SKAP1: variants seen among roughly 807,000 people sequenced by gnomAD.
SKAP1 encodes the protein src kinase-associated phosphoprotein 1.
SKAP1 carries 44 observed loss-of-function variants against 58.5 expected under a neutral mutation model. The ratio of observed to expected loss-of-function variants is 0.75; its 90% CI spans 0.59 to 0.97. The LOEUF (loss-of-function observed/expected upper bound fraction) is 0.97, where lower values mean the gene tolerates loss of function less well. SKAP1 is among the 50% of genes least tolerant of loss of function. The pLI, the probability that SKAP1 is intolerant of heterozygous loss-of-function variation, is 0.00. For synonymous variants in SKAP1, 127 were observed against 149.7 expected, an observed-to-expected ratio of 0.85 and a Z score of 1.11; for missense variants, 390 against 435.2, an observed-to-expected ratio of 0.90 and a Z score of 0.92.
intron 4 of SKAP1, among the ~76,000 whole-genome samples, chr17:48,205,868 T>C (rs1353858317): frequency 2.0e-5 from 3 of 152,006 alleles, no homozygotes; most frequent in Non-Finnish European, 4.4e-5. Flanking sequence ...TCTCAAGAAA[T>C]TGACCTCCCA....
At chr17:48,270,674 C>A (rs1357125593) in intron 4 of SKAP1, among the ~76,000 whole-genome samples, 4 of 151,974 alleles carry the variant, frequency 2.6e-5, no homozygotes, top group Admixed American at 1.3e-4. Flanking sequence ...TAAGGCTAGT[C>A]AAGTGAACAA....
At chr17:48,374,207 GT>G (rs5820697) in intron 2 of SKAP1, among the ~76,000 whole-genome samples, 36,923 of 90,134 alleles carry the variant, frequency 0.41, 4,111 homozygotes, top group African/African-American at 0.46. Flanking sequence ...GCTAATTTTT[GT>G]TTTTTTTTTT....
intron 4 of SKAP1, among the ~76,000 whole-genome samples, chr17:48,322,773 C>T (rs2066385455): frequency 6.6e-6 from 1 of 152,192 alleles, no homozygotes; most frequent in African/African-American, 2.4e-5. Context: ...CACATAGCCC[C>T]TGTGAAATAA....
chr17:48,346,003 C>A lies in SKAP1; in HGVS notation c.182G>T (p.Gly61Val). ...RYYWDFQPQGGDIGQDSSDDN... is the reference protein window; with the variant it reads ...RYYWDFQPQGVDIGQDSSDDN... Reference sequence around the variant, plus strand: ...ATCAGAGCTGTCCTGTCCAATGTCTCCCCCTGAGGGACAAAAAAGACAGAA... The same window carrying A: ...ATCAGAGCTGTCCTGTCCAATGTCTACCCCTGAGGGACAAAAAAGACAGAA... The change falls in exon 4 of 13, where the codon GGA (glycine) becomes GTA (valine). Residue 61 changes from glycine (G) to valine (V), a missense_variant. By Grantham distance (109) the Gly-to-Val change is moderately radical. Transcript: ENST00000336915. 1 of 1,589,340 alleles carries A rather than the reference C, an allele frequency of 6.3e-7. No individual in the cohort carries two copies. The highest frequency in any genetic ancestry group is 8.6e-7 in the Non-Finnish European group (1 of 1,166,936).
chr17:48,413,523 A>AAAAAAAAAAATATATAT, intron 1 of SKAP1, among the ~76,000 whole-genome samples: 32 of 105,502 alleles, frequency 3.0e-4, no homozygotes, highest in African/African-American at 1.3e-3. Flanking sequence ...TCAAAAAAAA[A>AAAAAAAAAAATATATAT]ATATATATAT....
At chr17:48,371,344 G>A (rs1407211277) in intron 2 of SKAP1, among the ~76,000 whole-genome samples, 1 of 152,016 alleles carries the variant, frequency 6.6e-6, no homozygotes, top group Non-Finnish European at 1.5e-5. Flanking sequence ...CTGAAAATAG[G>A]GCTACTGAAT....
At chr17:48,307,450 G>A (rs887824381) in intron 4 of SKAP1, 1 of 152,292 alleles carries the variant, frequency 6.6e-6, no homozygotes, top group African/African-American at 2.4e-5. Context: ...AGGTCAACGT[G>A]TGACCGGCTC....
intron 4 of SKAP1, among the ~76,000 whole-genome samples, chr17:48,335,986 GT>G (rs1478160847): frequency 6.6e-6 from 1 of 152,102 alleles, no homozygotes; most frequent in East Asian, 1.9e-4. Flanking sequence ...AAGCTCACAT[GT>G]TGAGAACTTA....
chr17:48,266,960 A>G lies in SKAP1; in HGVS notation c.281-77460T>C, dbSNP rs370097099. On this transcript the variant is annotated intron_variant, in intron 4 of 12. Transcript: ENST00000336915. Reference sequence around the variant, plus strand: ...TCTTTCTTTCTGTGACTAGACTAACACTCAACACGAAATGCTTTCACTGCT... The same window carrying G: ...TCTTTCTTTCTGTGACTAGACTAACGCTCAACACGAAATGCTTTCACTGCT... Among the ~76,000 whole-genome samples the G allele has an allele frequency of 4.0e-4, 61 of 152,300 alleles. 1 individual carries two copies. The East Asian group carries it at 7.1e-3, about 18-fold the overall frequency.
chr17:48,142,914 G>A (rs772963937), intron 11 of SKAP1, among the ~76,000 whole-genome samples: 28 of 151,292 alleles, frequency 1.9e-4, no homozygotes, highest in Non-Finnish European at 3.4e-4. Flanking sequence ...TGATCCTCCC[G>A]CTTCAGCCTC....
chr17:48,394,978 A>G (rs1427703629), intron 2 of SKAP1, among the ~76,000 whole-genome samples: 1 of 152,220 alleles, frequency 6.6e-6, no homozygotes, highest in Non-Finnish European at 1.5e-5. Flanking sequence ...TCTTGCAACA[A>G]GTCAATGAAC....
intron 4 of SKAP1, among the ~76,000 whole-genome samples, chr17:48,263,633 G>T (rs183725507): frequency 9.9e-5 from 15 of 152,176 alleles, no homozygotes; most frequent in Admixed American, 4.6e-4. Context: ...ATGCTGAATG[G>T]TGGGCACTGT....
chr17:48,404,145 A>G (rs1390375487), intron 1 of SKAP1, among the ~76,000 whole-genome samples: 1 of 151,262 alleles, frequency 6.6e-6, no homozygotes, highest in Non-Finnish European at 1.5e-5. Context: ...AAATTTATAA[A>G]AATATTAATA....
the SKAP1 span, among the ~76,000 whole-genome samples, chr17:48,438,379 T>C: frequency 3.9e-5 from 6 of 152,226 alleles, no homozygotes; most frequent in African/African-American, 9.7e-5. Context: ...AATAAATATA[T>C]ATACAAATTA....
At chr17:48,153,918 A>G (rs1010919924) in intron 11 of SKAP1, among the ~76,000 whole-genome samples, 1 of 152,092 alleles carries the variant, frequency 6.6e-6, no homozygotes, top group African/African-American at 2.4e-5. Context: ...AAAAGAAAAA[A>G]AAATCCTTCA....
chr17:48,336,233 T>C (rs2066567453), intron 4 of SKAP1, among the ~76,000 whole-genome samples: 1 of 152,140 alleles, frequency 6.6e-6, no homozygotes. Flanking sequence ...TACACTGGTG[T>C]GCTCTCCAGA....
chr17:48,327,935 CCT>C (rs1419785937), intron 4 of SKAP1, among the ~76,000 whole-genome samples: 2 of 152,264 alleles, frequency 1.3e-5, no homozygotes, highest in East Asian at 3.9e-4. Flanking sequence ...CCCCGCCGTG[CCT>C]CTGTTTCTTA....
intron 2 of SKAP1, among the ~76,000 whole-genome samples, chr17:48,364,058 G>A (rs551383347): frequency 2.0e-5 from 3 of 152,286 alleles, no homozygotes; most frequent in Admixed American, 2.0e-4. Context: ...GAGCTGGAAA[G>A]GTCCTAAAAG....
At chr17:48,439,649 C>T in the SKAP1 span, among the ~76,000 whole-genome samples, 30 of 152,300 alleles carry the variant, frequency 2.0e-4, no homozygotes, top group East Asian at 5.0e-3. Context: ...AAGTAGGGAT[C>T]CTTCATAAGC....
Sources: gnomAD v4.1 joint callset for allele counts (sites outside exome capture counted in the v4.1 genomes callset) on GRCh38, gnomAD v4.1.1 for gene constraint, MANE v1.5 for transcripts, NCBI Gene and HGNC (gene_info 2026-07-23, HGNC 2026-07-21) for gene names.